The following ITPKB variants were observed in gnomAD, a reference collection of about 807,000 sequenced individuals.
ITPKB encodes inositol-trisphosphate 3-kinase B, also known as IP3 3-kinase B.
Under a neutral mutation model 69.4 loss-of-function variants are expected in ITPKB, and 13 were observed. That is an observed-to-expected ratio of 0.19 (90% CI 0.12 to 0.30). ITPKB has a LOEUF of 0.30. ITPKB is among the 10% of genes least tolerant of loss of function. ITPKB has a pLI of 1.00. For missense variants in ITPKB, 1,240 were observed against 1,250.5 expected (o/e 0.99, Z 0.13); for synonymous variants, 584 against 513.7 (o/e 1.14, Z -1.85).
chr1:226,723,216 C>T (rs1009989070), intron 2 of ITPKB, among the ~76,000 whole-genome samples: 46 of 152,200 alleles, frequency 3.0e-4, no homozygotes, highest in African/African-American at 1.0e-3. Flanking sequence ...CCATCCCAGC[C>T]CAGATGACAA....
rs557193077 is a variant in ITPKB at position 226,645,434 on chromosome 1, G to A, written c.2246+1733C>T. 5.4e-4 allele frequency among the ~76,000 whole-genome samples: 83 copies of A among 152,326 alleles called. No homozygotes were observed. In the South Asian group the frequency reaches 8.5e-3, roughly 16 times the overall value. On this transcript the variant is annotated intron_variant, in intron 4 of 7. Transcript: ENST00000429204. ...TGGGGGCAGCCCTGGGGCAGGAAGCGGGGCTCCTGTCCCCAGCAGGAGCAG... is the reference window on the plus strand; with the variant it reads ...TGGGGGCAGCCCTGGGGCAGGAAGCAGGGCTCCTGTCCCCAGCAGGAGCAG...
chr1:226,701,914 T>C (rs1656675978), intron 2 of ITPKB, among the ~76,000 whole-genome samples: 1 of 152,196 alleles, frequency 6.6e-6, no homozygotes, highest in South Asian at 2.1e-4. Context: ...AGCCATTTCC[T>C]GCTCATTCAC....
At chr1:226,731,051 CTCTT>C (rs1299941791) in intron 2 of ITPKB, among the ~76,000 whole-genome samples, 2 of 152,208 alleles carry the variant, frequency 1.3e-5, no homozygotes, top group Non-Finnish European at 2.9e-5. Flanking sequence ...GAATCAATCT[CTCTT>C]TGTCTGTATA....
Position 226,647,220 on chromosome 1 carries a change from G to A in ITPKB, c.2193C>T (p.Asp731=). 3 of 1,614,210 alleles carry A rather than the reference G, an allele frequency of 1.9e-6. No homozygotes were observed. Among genetic ancestry groups the A allele is most frequent in the Non-Finnish European group, 2.5e-6 (3 of 1,180,042 alleles). The change falls in exon 4 of 8, where the codon GAC becomes GAT. Residue 731 remains aspartate, a synonymous_variant. Coordinates refer to ENST00000429204, the MANE Select transcript of ITPKB (RefSeq NM_002221.4). ...KDGERYNQMD[D]LLADFDSPCV... ...AGGGCGAGTCGAAGTCGGCCAGCAG[G>A]TCGTCCATCTGGTTGTAGCGCTCCC...
intron 2 of ITPKB, among the ~76,000 whole-genome samples, chr1:226,704,061 T>G (rs1353336672): frequency 6.6e-6 from 1 of 152,240 alleles, no homozygotes; most frequent in African/African-American, 2.4e-5. Flanking sequence ...CCCAAGGCTT[T>G]TATTTTCCTA....
At chr1:226,693,735 G>A (rs148523369) in intron 2 of ITPKB, among the ~76,000 whole-genome samples, 2 of 152,272 alleles carry the variant, frequency 1.3e-5, no homozygotes, top group East Asian at 1.9e-4. Flanking sequence ...CCAGTCCCAC[G>A]TTTTTGAATT....
At chr1:226,711,428 AGAGAGAGAGAGAGAGTGTGT>A (rs1476841164) in intron 2 of ITPKB, among the ~76,000 whole-genome samples, 3 of 126,780 alleles carry the variant, frequency 2.4e-5, no homozygotes, top group Admixed American at 7.9e-5. Context: ...AGAGAGAGAG[AGAGAGAGAGAGAGAGTGTGT>A]GTGTGTGTGT....
intron 2 of ITPKB, among the ~76,000 whole-genome samples, chr1:226,719,530 A>G (rs896066229): frequency 6.6e-6 from 1 of 152,232 alleles, no homozygotes; most frequent in African/African-American, 2.4e-5. Context: ...AAGCCTGGGC[A>G]TTCTGTGTCC....
At chr1:226,648,429 A>AC (rs1669105806) in intron 3 of ITPKB, among the ~76,000 whole-genome samples, 1 of 143,344 alleles carries the variant, frequency 7.0e-6, no homozygotes, top group Non-Finnish European at 1.5e-5. Context: ...AGAGCCAGAG[A>AC]CCGAGGGAGG....
chr1:226,704,096 A>G lies in ITPKB; in HGVS notation c.1932+31431T>C, dbSNP rs572242138. Reference sequence around the variant, plus strand: ...AGATCTCAAACAGTGGGAGGGTCGGACTCTAAATACTATTTGTTTAGACCC... The same window carrying G: ...AGATCTCAAACAGTGGGAGGGTCGGGCTCTAAATACTATTTGTTTAGACCC... On this transcript the variant is annotated intron_variant, in intron 2 of 7. Transcript: ENST00000429204. Among the ~76,000 whole-genome samples the G allele has an allele frequency of 2.0e-5, 3 of 152,238 alleles. No individual in the cohort carries two copies. In the South Asian group the frequency reaches 6.2e-4, roughly 32 times the overall value.
Position 226,642,985 on chromosome 1 carries a change from C to T in ITPKB, c.2247-860G>A, listed in dbSNP as rs1334540442. On this transcript the variant is annotated intron_variant, in intron 4 of 7. Transcript: ENST00000429204. The surrounding 1 kb of genome is among the most constrained non-coding windows in gnomAD (Gnocchi z 6.4). ...TATTGTGGGGGAAAGGCAGGGGGCTCCCTCAGCCTCTGCTCATCCCAGAGA... is the reference window on the plus strand; with the variant it reads ...TATTGTGGGGGAAAGGCAGGGGGCTTCCTCAGCCTCTGCTCATCCCAGAGA... 2.0e-5 allele frequency among the ~76,000 whole-genome samples: 3 copies of T among 152,146 alleles called. No individual in the cohort carries two copies. The highest frequency in any genetic ancestry group is 7.2e-5 in the African/African-American group (3 of 41,442).
intron 6 of ITPKB, among the ~76,000 whole-genome samples, chr1:226,638,515 G>A (rs1441814231): frequency 6.6e-6 from 1 of 152,220 alleles, no homozygotes; most frequent in Non-Finnish European, 1.5e-5. Flanking sequence ...TGTCCCAGAT[G>A]TGCCTGGATC....
At chr1:226,729,481 C>CAAA (rs1222337089) in intron 2 of ITPKB, among the ~76,000 whole-genome samples, 9 of 70,148 alleles carry the variant, frequency 1.3e-4, no homozygotes, top group South Asian at 1.0e-3. Flanking sequence ...GACTCCACCT[C>CAAA]AAAAAAAAAA....
chr1:226,676,465 A>G (rs970931006), intron 2 of ITPKB: 5 of 152,320 alleles, frequency 3.3e-5, no homozygotes, highest in Admixed American at 1.3e-4. Context: ...CATCCCCCCA[A>G]TTCCCCTACC....
intron 2 of ITPKB, among the ~76,000 whole-genome samples, chr1:226,691,069 G>C (rs1323792909): frequency 1.3e-5 from 2 of 152,132 alleles, no homozygotes; most frequent in African/African-American, 4.8e-5. Context: ...TAGGAGAGAG[G>C]GGAGAGGGAT....
chr1:226,664,826 G>C (rs1305665998), intron 2 of ITPKB, among the ~76,000 whole-genome samples: 1 of 152,190 alleles, frequency 6.6e-6, no homozygotes, highest in Non-Finnish European at 1.5e-5. Context: ...ATTTGCCTTG[G>C]GAATGTGGGC....
intron 2 of ITPKB, among the ~76,000 whole-genome samples, chr1:226,649,312 C>T (rs576012612): frequency 1.2e-4 from 17 of 142,990 alleles, no homozygotes; most frequent in Non-Finnish European, 2.3e-4. Flanking sequence ...TGTGTGTGTG[C>T]ATATGTGTGC....
intron 2 of ITPKB, among the ~76,000 whole-genome samples, chr1:226,724,218 T>C (rs1033331523): frequency 1.3e-5 from 2 of 152,120 alleles, no homozygotes; most frequent in African/African-American, 2.4e-5. Context: ...GGTTCAGGTC[T>C]GGCTGGCTCG....
Position 226,735,694 on chromosome 1 carries a change from G to GGCTTCCCTGCGTCTCCTCCAAGGCCCCA in ITPKB, c.1737_1764dup (p.Pro589TrpfsTer43). The GGCTTCCCTGCGTCTCCTCCAAGGCCCCA allele has an allele frequency of 6.3e-7, 1 of 1,599,872 alleles. No homozygotes were observed. Among genetic ancestry groups the GGCTTCCCTGCGTCTCCTCCAAGGCCCCA allele is most frequent in the Non-Finnish European group, 8.5e-7 (1 of 1,172,216 alleles). ...TTCCTCAGGGGCAGGTTGCCCCGAGGGCTTCCCTGCGTCTCCTCCAAGGCC... is the reference window on the plus strand; with the variant it reads ...TTCCTCAGGGGCAGGTTGCCCCGAGGGCTTCCCTGCGTCTCCTCCAAGGCCCCAGCTTCCCTGCGTCTCCTCCAAGGCC... On this transcript the variant is annotated frameshift_variant, in exon 2 of 8. Coordinates refer to ENST00000429204, the MANE Select transcript of ITPKB (RefSeq NM_002221.4). LOFTEE classifies it high-confidence loss of function.
Sources: allele counts gnomAD v4.1 joint callset (sites outside exome capture counted in the v4.1 genomes callset), GRCh38; gene constraint gnomAD v4.1.1; non-coding constraint Gnocchi (gnomAD v3.1); transcripts MANE v1.5; gene names NCBI Gene and HGNC (gene_info 2026-07-23, HGNC 2026-07-21).